ZNF676: variants seen among roughly 807,000 people sequenced by gnomAD.
The protein encoded by ZNF676 is zinc finger protein 676.
In ZNF676, 4 loss-of-function variants were observed where a neutral mutation model predicts 6.0. The ratio of observed to expected loss-of-function variants is 0.67; its 90% CI spans 0.33 to 1.53. The LOEUF is 1.53. Ranked by LOEUF, ZNF676 falls within the 40% of genes most tolerant of loss-of-function variation. The pLI, the probability that ZNF676 is intolerant of heterozygous loss-of-function variation, is 0.06. For synonymous variants in ZNF676, 198 were observed against 223.1 expected (o/e 0.89, Z 1.00); for missense variants, 644 against 679.7 (o/e 0.95, Z 0.58).
chr19:22,201,731 C>G (rs1481186744), upstream of ZNF676, among the ~76,000 whole-genome samples: 1 of 76,216 alleles, frequency 1.3e-5, no homozygotes. Context: ...TTTGTAAAGG[C>G]AAAAAAAAAA....
At position 22,180,156 on chromosome 19, in the gene ZNF676, T is replaced by C; in HGVS notation, c.1561A>G (p.Thr521Ala). 6.2e-7 allele frequency: 1 copy of C among 1,613,738 alleles called. No homozygotes were observed. Among genetic ancestry groups the C allele is most frequent in the Non-Finnish European group, 8.5e-7 (1 of 1,179,934 alleles). ...CCAGTATGAATTATCTTATGTTCAGTAAGGATCGAGGACCAGCTGAAGGCT... is the reference window on the plus strand; with the variant it reads ...CCAGTATGAATTATCTTATGTTCAGCAAGGATCGAGGACCAGCTGAAGGCT... ...GKAFSWSSIL[T>A]EHKIIHTGEK... Residue 521 changes from threonine (T) to alanine (A), a missense_variant, in exon 3 of 3, where the codon ACT becomes GCT. Around this residue, in one of 5 missense-constraint regions of ZNF676, gnomAD observed 306 missense variants for 265.4 expected, o/e 1.15. Transcript: ENST00000397121.
the ZNF676 span, among the ~76,000 whole-genome samples, chr19:22,242,843 TG>T: frequency 3.0e-5 from 4 of 135,256 alleles, no homozygotes; most frequent in Admixed American, 1.4e-4. Flanking sequence ...TTACCCAAGT[TG>T]GGGGGGGGCT....
the ZNF676 span, among the ~76,000 whole-genome samples, chr19:22,221,799 T>C: frequency 6.6e-6 from 1 of 152,094 alleles, no homozygotes; most frequent in Non-Finnish European, 1.5e-5. Flanking sequence ...TGGTCTATCT[T>C]GAAGAATGTT....
At chr19:22,222,877 T>G in the ZNF676 span, among the ~76,000 whole-genome samples, 8 of 152,142 alleles carry the variant, frequency 5.3e-5, no homozygotes, top group East Asian at 1.2e-3. Context: ...TAGGGGAAGT[T>G]GTTGCAGTCA....
At chr19:22,211,452 T>G (rs2024128864) in intron 1 of ZNF676, among the ~76,000 whole-genome samples, 1 of 152,198 alleles carries the variant, frequency 6.6e-6, no homozygotes, top group South Asian at 2.1e-4. Flanking sequence ...TGAAACTAAG[T>G]GTTTGAAAAA....
the ZNF676 span, among the ~76,000 whole-genome samples, chr19:22,236,450 G>C: frequency 2.6e-5 from 4 of 152,110 alleles, no homozygotes; most frequent in Non-Finnish European, 5.9e-5. Flanking sequence ...TGTCACCTCA[G>C]AGCCAGTGTT....
chr19:22,236,514 C>G, the ZNF676 span, among the ~76,000 whole-genome samples: 1 of 152,108 alleles, frequency 6.6e-6, no homozygotes, highest in Admixed American at 6.6e-5. Flanking sequence ...ACAGTTACCC[C>G]ATAAAAGGCC....
intron 1 of ZNF676, among the ~76,000 whole-genome samples, chr19:22,204,504 T>C (rs1436836269): frequency 6.6e-6 from 1 of 152,206 alleles, no homozygotes; most frequent in East Asian, 1.9e-4. Context: ...ATAACTATAC[T>C]AACTGTACTG....
At chr19:22,189,096 C>T (rs1175770841) in intron 2 of ZNF676, among the ~76,000 whole-genome samples, 1 of 152,072 alleles carries the variant, frequency 6.6e-6, no homozygotes, top group African/African-American at 2.4e-5. Flanking sequence ...TGATACCTGA[C>T]TTCAAATTAT....
At chr19:22,234,989 AAAG>A in the ZNF676 span, among the ~76,000 whole-genome samples, 46 of 109,956 alleles carry the variant, frequency 4.2e-4, no homozygotes, top group East Asian at 9.6e-3. Context: ...AGAAAGAAAG[AAAG>A]AAAGAAAGAA....
upstream of ZNF676, among the ~76,000 whole-genome samples, chr19:22,200,130 T>A (rs73930532): frequency 0.04 from 6,090 of 152,188 alleles, 396 homozygotes; most frequent in African/African-American, 0.14. Flanking sequence ...TTCTTTTTTT[T>A]TAAATCTTAC....
chr19:22,184,459 A>C (rs1485739050), intron 2 of ZNF676, among the ~76,000 whole-genome samples: 1 of 152,144 alleles, frequency 6.6e-6, no homozygotes, highest in Non-Finnish European at 1.5e-5. Context: ...ACTAGCTGCA[A>C]GAGTTTTTTC....
In ZNF676 at chr19:22,180,119, T is replaced by C. The variant is rs377272257; in HGVS notation, c.1598A>G (p.Tyr533Cys). ...HKIIHTGEKPYKCEECGKAFS... is the reference protein window; with the variant it reads ...HKIIHTGEKPCKCEECGKAFS... ...GGCTTTGCCACATTCTTCACATTTGTAGGGTTTCTCTCCAGTATGAATTAT... is the reference window on the plus strand; with the variant it reads ...GGCTTTGCCACATTCTTCACATTTGCAGGGTTTCTCTCCAGTATGAATTAT... The change falls in exon 3 of 3, where the codon TAC becomes TGC. Residue 533 changes from tyrosine (Y) to cysteine (C), a missense_variant. Coordinates refer to ENST00000397121, the MANE Select transcript of ZNF676 (RefSeq NM_001001411.3). 5.0e-6 allele frequency: 8 copies of C among 1,613,904 alleles called. No homozygotes were observed. Among genetic ancestry groups the C allele is most frequent in the Non-Finnish European group, 5.9e-6 (7 of 1,179,960 alleles).
the ZNF676 span, chr19:22,244,641 C>G: frequency 6.6e-6 from 1 of 152,178 alleles, no homozygotes; most frequent in African/African-American, 2.4e-5. Context: ...TACAATGCTC[C>G]CTGTGGGAAA....
the ZNF676 span, among the ~76,000 whole-genome samples, chr19:22,258,600 G>C: frequency 2.0e-5 from 3 of 152,184 alleles, no homozygotes; most frequent in African/African-American, 7.2e-5. Context: ...CTCTCTGTAG[G>C]CAAGGCCTAG....
the ZNF676 span, among the ~76,000 whole-genome samples, chr19:22,252,787 A>G: frequency 3.3e-5 from 5 of 152,232 alleles, no homozygotes; most frequent in Non-Finnish European, 7.3e-5. Flanking sequence ...AGTTGTCTCT[A>G]TGGGCAGAAC....
chr19:22,210,418 T>C (rs750815675), intron 1 of ZNF676, among the ~76,000 whole-genome samples: 2 of 152,136 alleles, frequency 1.3e-5, no homozygotes, highest in Non-Finnish European at 2.9e-5. Flanking sequence ...ATAACCTTTT[T>C]GAAATTCAGT....
the ZNF676 span, among the ~76,000 whole-genome samples, chr19:22,231,892 G>A: frequency 1.3e-5 from 2 of 151,854 alleles, no homozygotes; most frequent in East Asian, 2.0e-4. Context: ...GAGCCACCGC[G>A]CCTGGCCTTG....
At chr19:22,182,008 G>C (rs2023762516) in intron 2 of ZNF676, among the ~76,000 whole-genome samples, 1 of 151,424 alleles carries the variant, frequency 6.6e-6, no homozygotes, top group African/African-American at 2.4e-5. Flanking sequence ...TCCACACACT[G>C]GTTTCTGTCT....
Sources: allele counts gnomAD v4.1 joint callset (sites outside exome capture counted in the v4.1 genomes callset), GRCh38; gene constraint gnomAD v4.1.1; regional missense constraint gnomAD v4.1.1; transcripts MANE v1.5; gene names NCBI Gene and HGNC (gene_info 2026-07-23, HGNC 2026-07-21).